The following NCALD variants were observed in gnomAD, a reference collection of about 807,000 sequenced individuals.
The protein encoded by NCALD is neurocalcin-delta.
NCALD carries 10 observed loss-of-function variants against 18.6 expected under a neutral mutation model. The ratio of observed to expected loss-of-function variants is 0.54; its 90% CI spans 0.33 to 0.91. The LOEUF (loss-of-function observed/expected upper bound fraction) is 0.91, where lower values mean the gene tolerates loss of function less well. NCALD is among the 40% of genes least tolerant of loss of function. NCALD has a pLI of 0.03. For synonymous variants in NCALD, 88 were observed against 87.4 expected (o/e 1.01, Z -0.04); for missense variants, 184 against 247.6 (o/e 0.74, Z 1.72).
Position 101,764,142 on chromosome 8 carries a change from G to A in NCALD, c.-20+26720C>T, listed in dbSNP as rs927121481. Among the ~76,000 whole-genome samples, 9 of 152,186 alleles carry A rather than the reference G, an allele frequency of 5.9e-5. 1 individual carries two copies. The South Asian group carries it at 1.4e-3, about 25-fold the overall frequency. On this transcript the variant is annotated intron_variant, in intron 1 of 3. Coordinates refer to ENST00000220931, the MANE Select transcript of NCALD (RefSeq NM_032041.3). ...GGAATTGGGACTGAGTTGAAAACTG[G>A]TACTATATATTTGGGAATCACTGGC... is the stretch of plus-strand genomic sequence containing the variant.
chr8:101,975,138 A>G (rs2131912695), intron 2 of NCALD: 1 of 152,346 alleles, frequency 6.6e-6, no homozygotes, highest in Admixed American at 6.5e-5. Context: ...AGGGGATCAA[A>G]TAAACTCTGT....
At chr8:101,978,774 TAGG>T (rs1302195218) in intron 2 of NCALD, among the ~76,000 whole-genome samples, 1 of 151,994 alleles carries the variant, frequency 6.6e-6, no homozygotes, top group Non-Finnish European at 1.5e-5. Context: ...TGGCACAAAG[TAGG>T]AGATCAACAA....
intron 1 of NCALD, among the ~76,000 whole-genome samples, chr8:101,741,149 C>T (rs538932336): frequency 2.0e-5 from 3 of 152,158 alleles, no homozygotes; most frequent in Admixed American, 6.5e-5. Context: ...AGAGGAGGCA[C>T]CCGGAATTCT....
intron 3 of NCALD, chr8:101,690,839 C>G (rs1329580185): frequency 1.0e-6 from 1 of 985,258 alleles, no homozygotes; most frequent in East Asian, 1.1e-4. Flanking sequence ...GGAAGGGAGA[C>G]AGGCGTGATC....
chr8:102,109,071 A>G (rs762413056), intron 1 of NCALD, among the ~76,000 whole-genome samples: 2 of 152,188 alleles, frequency 1.3e-5, no homozygotes, highest in Non-Finnish European at 2.9e-5. Flanking sequence ...TGAGCTTCTC[A>G]GACCGCACAC....
chr8:101,909,861 T>C (rs1356318931), intron 3 of NCALD, among the ~76,000 whole-genome samples: 1 of 152,098 alleles, frequency 6.6e-6, no homozygotes, highest in African/African-American at 2.4e-5. Flanking sequence ...CGTTTTTTAA[T>C]AGTTCCTAGA....
At chr8:102,104,538 A>C (rs1483668699) in intron 1 of NCALD, among the ~76,000 whole-genome samples, 1 of 152,160 alleles carries the variant, frequency 6.6e-6, no homozygotes, top group African/African-American at 2.4e-5. Context: ...CTACCCCTGC[A>C]CTTGGGATTT....
chr8:101,755,067 G>A (rs751945641), intron 1 of NCALD, among the ~76,000 whole-genome samples: 2 of 152,142 alleles, frequency 1.3e-5, no homozygotes, highest in Non-Finnish European at 2.9e-5. Context: ...ACCTTGGATG[G>A]TGACTGATAA....
chr8:101,883,378 C>G (rs993645933), intron 4 of NCALD, among the ~76,000 whole-genome samples: 4 of 152,092 alleles, frequency 2.6e-5, no homozygotes, highest in African/African-American at 9.7e-5. Context: ...AAGAAATAGA[C>G]TCTGAAATGC....
chr8:101,920,246 G>A (rs917136984), intron 2 of NCALD, among the ~76,000 whole-genome samples: 1 of 152,102 alleles, frequency 6.6e-6, no homozygotes, highest in Non-Finnish European at 1.5e-5. Context: ...GAAACAGTGA[G>A]ACCTTGTCTC....
intron 2 of NCALD, among the ~76,000 whole-genome samples, chr8:101,918,258 A>G (rs1038138113): frequency 2.6e-5 from 4 of 152,148 alleles, no homozygotes; most frequent in Admixed American, 6.5e-5. Flanking sequence ...TAAACACAAA[A>G]AGTTTTTGAT....
intron 1 of NCALD, among the ~76,000 whole-genome samples, chr8:102,116,574 C>T (rs560632400): frequency 2.0e-5 from 3 of 152,346 alleles, no homozygotes; most frequent in African/African-American, 4.8e-5. Context: ...CCTCCACCTC[C>T]CGGGCCCAAG....
At chr8:101,806,089 C>T (rs1332067476) in intron 4 of NCALD, among the ~76,000 whole-genome samples, 3 of 152,026 alleles carry the variant, frequency 2.0e-5, no homozygotes, top group Non-Finnish European at 4.4e-5. Context: ...GTGAGTATGC[C>T]CAAGGCTGTG....
intron 1 of NCALD, among the ~76,000 whole-genome samples, chr8:101,724,807 G>A (rs1465625310): frequency 6.6e-6 from 1 of 152,216 alleles, no homozygotes; most frequent in Non-Finnish European, 1.5e-5. Context: ...CTGTGAGTGT[G>A]GGCTGCTGCT....
chr8:102,029,771 G>A (rs560228648), intron 1 of NCALD, among the ~76,000 whole-genome samples: 8 of 152,196 alleles, frequency 5.3e-5, no homozygotes, highest in Non-Finnish European at 8.8e-5. Context: ...TAAGCTTGCG[G>A]TCAGGACGAG....
chr8:101,949,569 A>G (rs1185089210), intron 2 of NCALD, among the ~76,000 whole-genome samples: 1 of 152,116 alleles, frequency 6.6e-6, no homozygotes, highest in Admixed American at 6.5e-5. Context: ...GGTAAGCTCC[A>G]ATGGTCAATC....
At chr8:101,755,381 A>G (rs571815239) in intron 1 of NCALD, among the ~76,000 whole-genome samples, 3 of 152,258 alleles carry the variant, frequency 2.0e-5, no homozygotes, top group African/African-American at 2.4e-5. Flanking sequence ...CAAGAGTTCA[A>G]TTTGGCCTGT....
At chr8:102,070,678 A>T (rs1326169714) in intron 1 of NCALD, among the ~76,000 whole-genome samples, 1 of 152,264 alleles carries the variant, frequency 6.6e-6, no homozygotes, top group Non-Finnish European at 1.5e-5. Context: ...AGTGAAATCT[A>T]TAAAAAAGAA....
At chr8:102,001,714 T>C (rs138160548) in intron 2 of NCALD, among the ~76,000 whole-genome samples, 29,550 of 151,838 alleles carry the variant, frequency 0.19, 3,644 homozygotes, top group African/African-American at 0.34. Flanking sequence ...AGAGTGGGGG[T>C]CAATATTCGA....
Sources: gnomAD v4.1 joint callset for allele counts (sites outside exome capture counted in the v4.1 genomes callset) on GRCh38, gnomAD v4.1.1 for gene constraint, MANE v1.5 for transcripts, NCBI Gene and HGNC (gene_info 2026-07-23, HGNC 2026-07-21) for gene names.